Variants in CAMK1D observed in about 807,000 individuals in gnomAD.
The protein encoded by CAMK1D is calcium/calmodulin-dependent protein kinase type 1D.
Under a neutral mutation model 47.7 loss-of-function variants are expected in CAMK1D, and 9 were observed. That is an observed-to-expected ratio of 0.19 (90% CI 0.11 to 0.33). The LOEUF is 0.33. CAMK1D is among the 10% of genes least tolerant of loss of function. The pLI is 1.00. For synonymous variants in CAMK1D, 184 were observed against 184.9 expected, an observed-to-expected ratio of 0.99 and a Z score of 0.04; for missense variants, 291 against 488.7, an observed-to-expected ratio of 0.60 and a Z score of 3.81.
intron 2 of CAMK1D, among the ~76,000 whole-genome samples, chr10:12,605,108 C>T (rs1186567815): frequency 6.6e-6 from 1 of 152,004 alleles, no homozygotes; most frequent in Non-Finnish European, 1.5e-5. Flanking sequence ...AGGATGGTCT[C>T]GATCTCCTGA....
At chr10:12,720,732 C>A (rs773199108) in intron 3 of CAMK1D, among the ~76,000 whole-genome samples, 23 of 152,156 alleles carry the variant, frequency 1.5e-4, no homozygotes, top group Admixed American at 1.5e-3. Context: ...TTTTCCCTCT[C>A]GAATGGCCCC....
At chr10:12,771,664 G>A (rs938271487) in intron 5 of CAMK1D, among the ~76,000 whole-genome samples, 9 of 152,324 alleles carry the variant, frequency 5.9e-5, no homozygotes, top group East Asian at 5.8e-4. Context: ...GGACACCATC[G>A]CAGGGGGGCT....
intron 1 of CAMK1D, among the ~76,000 whole-genome samples, chr10:12,509,097 G>C (rs1440008238): frequency 6.6e-6 from 1 of 152,196 alleles, no homozygotes; most frequent in African/African-American, 2.4e-5. Flanking sequence ...TGTGCAGAGA[G>C]AGCAGTAGGT....
rs1296013771 is a variant in CAMK1D, at chr10:12,547,673, T to TTCTC, written c.93-5545_93-5542dup. Reference sequence around the variant, plus strand: ...CCAACCCTGCACTCTCTCTCTCTCTTTCTCTCTCTCACACACACACACACA... The same window carrying TTCTC: ...CCAACCCTGCACTCTCTCTCTCTCTTTCTCTCTCTCTCTCACACACACACACACA... On this transcript the variant is annotated intron_variant, in intron 1 of 10. Coordinates refer to ENST00000619168, the MANE Select transcript of CAMK1D (RefSeq NM_153498.4). Among the ~76,000 whole-genome samples the TTCTC allele has an allele frequency of 5.4e-3, 641 of 117,746 alleles. 8 individuals are homozygous for TTCTC. The highest frequency in any genetic ancestry group is 0.028 in the Admixed American group (314 of 11,114). The allele number at this position is 117,746 out of a possible 152,430, so 77.2% of individuals were successfully genotyped here. A position where few individuals can be genotyped will look rare whatever the true frequency, so the allele number is the denominator to read the frequency against.
intron 1 of CAMK1D, among the ~76,000 whole-genome samples, chr10:12,514,055 C>G (rs74743169): frequency 6.6e-6 from 1 of 152,120 alleles, no homozygotes; most frequent in Non-Finnish European, 1.5e-5. Flanking sequence ...TCACTGCCCC[C>G]CTAGAGAGAA....
intron 1 of CAMK1D, among the ~76,000 whole-genome samples, chr10:12,476,775 T>A (rs1470642833): frequency 6.6e-6 from 1 of 152,120 alleles, no homozygotes; most frequent in African/African-American, 2.4e-5. Context: ...CATGGCAGCT[T>A]TTCTCTTACC....
At chr10:12,368,874 G>A (rs1837927740) in intron 1 of CAMK1D, among the ~76,000 whole-genome samples, 2 of 152,136 alleles carry the variant, frequency 1.3e-5, no homozygotes, top group Admixed American at 1.3e-4. Flanking sequence ...CTGGGGTGCA[G>A]TGGCGCGATT....
chr10:12,573,749 A>C (rs564000552), intron 2 of CAMK1D, among the ~76,000 whole-genome samples: 1 of 148,386 alleles, frequency 6.7e-6, no homozygotes, highest in African/African-American at 2.5e-5. Context: ...GAAACTTCTG[A>C]GCTCAAGGGA....
chr10:12,607,675 A>G (rs543030474), intron 2 of CAMK1D, among the ~76,000 whole-genome samples: 1 of 152,332 alleles, frequency 6.6e-6, no homozygotes, highest in Admixed American at 6.5e-5. Flanking sequence ...TAGAACTAAT[A>G]GGGCACCTGG....
At chr10:12,366,715 C>G (rs1837846643) in intron 1 of CAMK1D, among the ~76,000 whole-genome samples, 1 of 151,344 alleles carries the variant, frequency 6.6e-6, no homozygotes, top group East Asian at 1.9e-4. Flanking sequence ...GTCAGTCATT[C>G]TGCGGGGTGG....
At chr10:12,521,662 C>T (rs1178187681) in intron 1 of CAMK1D, among the ~76,000 whole-genome samples, 1 of 152,102 alleles carries the variant, frequency 6.6e-6, no homozygotes, top group Non-Finnish European at 1.5e-5. Flanking sequence ...TCTGCTTGTT[C>T]TATTTGTTAC....
chr10:12,437,618 C>T (rs1276337138), intron 1 of CAMK1D, among the ~76,000 whole-genome samples: 1 of 152,220 alleles, frequency 6.6e-6, no homozygotes, highest in Admixed American at 6.5e-5. Context: ...CATCCCCCAG[C>T]AGAGCGGGGC....
chr10:12,598,896 G>A (rs1429487990), intron 2 of CAMK1D, among the ~76,000 whole-genome samples: 1 of 152,218 alleles, frequency 6.6e-6, no homozygotes, highest in Non-Finnish European at 1.5e-5. Flanking sequence ...ATATCTCGAT[G>A]TGTGTGATGT....
chr10:12,442,150 G>A (rs1319523474), intron 1 of CAMK1D, among the ~76,000 whole-genome samples: 30 of 152,140 alleles, frequency 2.0e-4, no homozygotes, highest in Admixed American at 2.0e-3. Flanking sequence ...TAGGCTCAAG[G>A]ACCTATGAAG....
At chr10:12,594,289 CACCACCTAGCA>C (rs1421852024) in intron 2 of CAMK1D, among the ~76,000 whole-genome samples, 2 of 152,208 alleles carry the variant, frequency 1.3e-5, no homozygotes, top group African/African-American at 4.8e-5. Flanking sequence ...AAATAACAGG[CACCACCTAGCA>C]ACCCTACCCC....
At chr10:12,355,990 G>A (rs992479951) in intron 1 of CAMK1D, among the ~76,000 whole-genome samples, 1 of 152,186 alleles carries the variant, frequency 6.6e-6, no homozygotes, top group Non-Finnish European at 1.5e-5. Context: ...AAAGAGCCAT[G>A]GGGCTGTCTG....
At chr10:12,446,602 C>G (rs567287680) in intron 1 of CAMK1D, among the ~76,000 whole-genome samples, 1 of 152,322 alleles carries the variant, frequency 6.6e-6, no homozygotes, top group East Asian at 1.9e-4. Flanking sequence ...TCATTTTACC[C>G]AGTCCCTACT....
intron 2 of CAMK1D, among the ~76,000 whole-genome samples, chr10:12,557,567 A>G (rs1167228902): frequency 3.3e-5 from 5 of 151,798 alleles, no homozygotes; most frequent in Admixed American, 2.0e-4. Flanking sequence ...AAAAAAAAAA[A>G]AAAGAAAAAA....
At chr10:12,827,075 T>A (rs961586770) in intron 10 of CAMK1D, among the ~76,000 whole-genome samples, 1 of 152,232 alleles carries the variant, frequency 6.6e-6, no homozygotes, top group Non-Finnish European at 1.5e-5. Context: ...ACTGCTGAGC[T>A]CACACAGGAA....
Sources: gnomAD v4.1 joint callset for allele counts (sites outside exome capture counted in the v4.1 genomes callset) on GRCh38, gnomAD v4.1.1 for gene constraint, MANE v1.5 for transcripts, NCBI Gene and HGNC (gene_info 2026-07-23, HGNC 2026-07-21) for gene names.